Variants in TMC1 observed in about 807,000 individuals in gnomAD.
TMC1 encodes transmembrane channel-like protein 1.
TMC1 carries 84 observed loss-of-function variants against 105.8 expected under a neutral mutation model. The ratio of observed to expected loss-of-function variants is 0.79; its 90% CI spans 0.67 to 0.95. The LOEUF (loss-of-function observed/expected upper bound fraction) is 0.95, where lower values mean the gene tolerates loss of function less well. TMC1 is among the 40% of genes least tolerant of loss of function. The pLI is 0.00. For missense variants in TMC1, 817 were observed against 914.1 expected, an observed-to-expected ratio of 0.89 and a Z score of 1.37; for synonymous variants, 315 against 311.5, an observed-to-expected ratio of 1.01 and a Z score of -0.12.
intron 5 of TMC1, among the ~76,000 whole-genome samples, chr9:72,652,086 T>C (rs1043029131): frequency 6.6e-6 from 1 of 152,208 alleles, no homozygotes; most frequent in Non-Finnish European, 1.5e-5. Flanking sequence ...TTTTGATTTT[T>C]TGATCATGAC....
intron 18 of TMC1, among the ~76,000 whole-genome samples, chr9:72,813,436 G>T (rs1221405454): frequency 6.6e-6 from 1 of 152,096 alleles, no homozygotes; most frequent in Non-Finnish European, 1.5e-5. Context: ...TTACAGAGAA[G>T]CAATTCTTTC....
At chr9:72,589,417 T>C (rs1824601009) in intron 2 of TMC1, among the ~76,000 whole-genome samples, 1 of 152,254 alleles carries the variant, frequency 6.6e-6, no homozygotes, top group African/African-American at 2.4e-5. Flanking sequence ...AATGAAATTA[T>C]TGAAAAATTA....
intron 2 of TMC1, among the ~76,000 whole-genome samples, chr9:72,611,417 G>A (rs1034760948): frequency 7.9e-5 from 12 of 152,174 alleles, no homozygotes; most frequent in Admixed American, 2.0e-4. Context: ...AAAGGCCATC[G>A]GATTTTACGA....
At chr9:72,707,658 T>C (rs1380009857) in intron 8 of TMC1, among the ~76,000 whole-genome samples, 1 of 152,208 alleles carries the variant, frequency 6.6e-6, no homozygotes, top group Non-Finnish European at 1.5e-5. Context: ...TTCTGGATAT[T>C]AGTCTTTGTC....
At chr9:72,540,905 G>A (rs1197070740) in intron 1 of TMC1, among the ~76,000 whole-genome samples, 1 of 152,186 alleles carries the variant, frequency 6.6e-6, no homozygotes, top group Non-Finnish European at 1.5e-5. Flanking sequence ...TAGGGATGTT[G>A]TGAAGCTTCA....
At chr9:72,545,151 C>T (rs902192184) in intron 1 of TMC1, among the ~76,000 whole-genome samples, 13 of 151,690 alleles carry the variant, frequency 8.6e-5, no homozygotes, top group Admixed American at 3.9e-4. Context: ...CACACACACA[C>T]ACACACACAC....
intron 1 of TMC1, among the ~76,000 whole-genome samples, chr9:72,528,205 C>T (rs537689874): frequency 2.6e-5 from 4 of 152,274 alleles, no homozygotes; most frequent in South Asian, 2.1e-4. Context: ...GAGGACACAA[C>T]GTGAAGGTGC....
chr9:72,557,492 A>G (rs1823963102), intron 1 of TMC1, among the ~76,000 whole-genome samples: 1 of 152,332 alleles, frequency 6.6e-6, no homozygotes, highest in African/African-American at 2.4e-5. Context: ...AATGTTTAAT[A>G]TTGAGCACTT....
intron 8 of TMC1, among the ~76,000 whole-genome samples, chr9:72,712,444 G>GA (rs1826851893): frequency 6.6e-6 from 1 of 152,024 alleles, no homozygotes; most frequent in African/African-American, 2.4e-5. Flanking sequence ...TTATTTCCTT[G>GA]AGCAGTGGTT....
chr9:72,544,177 CT>C (rs946085697), intron 1 of TMC1, among the ~76,000 whole-genome samples: 173 of 152,176 alleles, frequency 1.1e-3, no homozygotes, highest in African/African-American at 4.1e-3. Context: ...TCTCGAACAG[CT>C]GAGCTTGTGA....
chr9:72,588,622 A>G (rs1824589475), intron 2 of TMC1, among the ~76,000 whole-genome samples: 1 of 152,194 alleles, frequency 6.6e-6, no homozygotes, highest in Non-Finnish European at 1.5e-5. Flanking sequence ...TTGGCACAGC[A>G]TTCTTTCTAC....
chr9:72,806,477 G>A (rs939938133), intron 18 of TMC1, among the ~76,000 whole-genome samples: 22 of 151,434 alleles, frequency 1.5e-4, no homozygotes, highest in South Asian at 4.2e-4. Context: ...GGTGGCTGCC[G>A]GGCGGAGAGG....
chr9:72,583,575 A>C (rs1824505973), intron 2 of TMC1, among the ~76,000 whole-genome samples: 1 of 152,198 alleles, frequency 6.6e-6, no homozygotes, highest in Admixed American at 6.5e-5. Flanking sequence ...TTTTGTTTCA[A>C]AAGGAAGTGC....
intron 1 of TMC1, among the ~76,000 whole-genome samples, chr9:72,558,166 CTTTCTCTCT>C (rs1021827567): frequency 2.6e-5 from 4 of 152,034 alleles, no homozygotes; most frequent in African/African-American, 9.7e-5. Context: ...CTCTTTCTCT[CTTTCTCTCT>C]CTCTCTCTCT....
At chr9:72,746,898 CCTGTGGACACATCTT>C (rs1218467815) in intron 10 of TMC1, among the ~76,000 whole-genome samples, 1 of 152,116 alleles carries the variant, frequency 6.6e-6, no homozygotes, top group African/African-American at 2.4e-5. Flanking sequence ...GATGGTTGCT[CCTGTGGACACATCTT>C]ATTCATCTCA....
intron 3 of TMC1, among the ~76,000 whole-genome samples, chr9:72,623,165 T>C (rs1031313506): frequency 6.8e-6 from 1 of 146,990 alleles, no homozygotes; most frequent in African/African-American, 2.5e-5. Flanking sequence ...TTTTTTTCTT[T>C]TTTTTTTTTT....
chr9:72,657,825 G>T (rs773884165), intron 5 of TMC1, among the ~76,000 whole-genome samples: 1 of 152,158 alleles, frequency 6.6e-6, no homozygotes, highest in Non-Finnish European at 1.5e-5. Flanking sequence ...GAAAAGTATC[G>T]CTATGCAGAA....
Position 72,558,179 on chromosome 9 carries a change from T to G in TMC1, c.-427-19723T>G, listed in dbSNP as rs1823977121. 1.3e-5 allele frequency among the ~76,000 whole-genome samples: 2 copies of G among 152,186 alleles called. 1 individual carries two copies. The highest frequency in any genetic ancestry group is 4.1e-4 in the South Asian group (2 of 4,834). On this transcript the variant is annotated intron_variant, in intron 1 of 23. Coordinates refer to ENST00000297784, the MANE Select transcript of TMC1 (RefSeq NM_138691.3). ...CTCTCTTTCTCTCTTTCTCTCTCTC[T>G]CTCTCTTTCTGTCTCCATAAATGAA...
chr9:72,624,970 T>G (rs1162922284), intron 3 of TMC1, among the ~76,000 whole-genome samples: 1 of 152,212 alleles, frequency 6.6e-6, no homozygotes, highest in Non-Finnish European at 1.5e-5. Flanking sequence ...CGTTCAGTAT[T>G]GGAACTGATG....
Sources: allele counts gnomAD v4.1 joint callset (sites outside exome capture counted in the v4.1 genomes callset), GRCh38; gene constraint gnomAD v4.1.1; transcripts MANE v1.5; gene names NCBI Gene and HGNC (gene_info 2026-07-23, HGNC 2026-07-21).